PDE1C: variants seen among roughly 807,000 people sequenced by gnomAD.
PDE1C encodes the protein dual specificity calcium/calmodulin-dependent 3',5'-cyclic nucleotide phosphodiesterase 1C.
In PDE1C, 62 loss-of-function variants were observed where a neutral mutation model predicts 93.1. That is an observed-to-expected ratio of 0.67 (90% confidence interval 0.54 to 0.82). PDE1C has a LOEUF of 0.82. Ranked by LOEUF, PDE1C falls within the 40% of genes least tolerant of loss-of-function variation. The pLI is 0.00. For missense variants in PDE1C, 742 were observed against 884.6 expected, an observed-to-expected ratio of 0.84 and a Z score of 2.04; for synonymous variants, 325 against 310.1, an observed-to-expected ratio of 1.05 and a Z score of -0.50.
chr7:32,256,098 A>C (rs1030968289), intron 1 of PDE1C, among the ~76,000 whole-genome samples: 1 of 152,220 alleles, frequency 6.6e-6, no homozygotes, highest in African/African-American at 2.4e-5. Flanking sequence ...GAAGGAAATC[A>C]GAAAGCATTT....
intron 1 of PDE1C, among the ~76,000 whole-genome samples, chr7:32,329,884 C>T (rs1390014266): frequency 6.6e-6 from 1 of 152,220 alleles, no homozygotes; most frequent in Non-Finnish European, 1.5e-5. Context: ...AGATGGATTA[C>T]TAACAGCTTC....
the PDE1C span, among the ~76,000 whole-genome samples, chr7:31,673,432 G>A: frequency 1.3e-5 from 2 of 152,120 alleles, no homozygotes; most frequent in Non-Finnish European, 2.9e-5. Flanking sequence ...GGAAAGATGT[G>A]TGTGTCTCTC....
intron 2 of PDE1C, among the ~76,000 whole-genome samples, chr7:32,195,753 G>A (rs892092987): frequency 6.6e-6 from 1 of 152,146 alleles, no homozygotes; most frequent in African/African-American, 2.4e-5. Flanking sequence ...GGTTTATCCT[G>A]TTTGAACTGA....
intron 3 of PDE1C, among the ~76,000 whole-genome samples, chr7:32,125,609 A>C (rs2128767369): frequency 6.6e-6 from 1 of 152,286 alleles, no homozygotes; most frequent in Non-Finnish European, 1.5e-5. Context: ...TCAGCAAACT[A>C]ACACAGGAAC....
chr7:32,100,709 TAC>T (rs1450044673), intron 3 of PDE1C, among the ~76,000 whole-genome samples: 1 of 152,186 alleles, frequency 6.6e-6, no homozygotes. Flanking sequence ...CGTGTACCTA[TAC>T]ACACACATGT....
At chr7:31,683,258 C>A in the PDE1C span, among the ~76,000 whole-genome samples, 3 of 152,118 alleles carry the variant, frequency 2.0e-5, no homozygotes, top group African/African-American at 7.2e-5. Flanking sequence ...TACAAGGGAT[C>A]TATCTCTCTG....
chr7:31,660,755 A>C, the PDE1C span, among the ~76,000 whole-genome samples: 6 of 152,044 alleles, frequency 3.9e-5, no homozygotes, highest in Non-Finnish European at 7.4e-5. Flanking sequence ...CTTTGACAGG[A>C]CATTATACAA....
At chr7:31,648,090 C>A in the PDE1C span, among the ~76,000 whole-genome samples, 1 of 152,132 alleles carries the variant, frequency 6.6e-6, no homozygotes, top group African/African-American at 2.4e-5. Context: ...TGAGATCTAT[C>A]AGAAATAAGA....
At chr7:31,879,677 T>C (rs929041255) in intron 3 of PDE1C, among the ~76,000 whole-genome samples, 1 of 152,236 alleles carries the variant, frequency 6.6e-6, no homozygotes, top group Non-Finnish European at 1.5e-5. Flanking sequence ...AATTTAAATG[T>C]CTAAATTCAA....
chr7:31,667,612 A>G, the PDE1C span, among the ~76,000 whole-genome samples: 1 of 150,560 alleles, frequency 6.6e-6, no homozygotes, highest in Non-Finnish European at 1.5e-5. Flanking sequence ...GATGGAGGGC[A>G]GTGTATGAAT....
intron 1 of PDE1C, among the ~76,000 whole-genome samples, chr7:32,062,986 T>C (rs1162401077): frequency 6.6e-6 from 1 of 152,224 alleles, no homozygotes; most frequent in African/African-American, 2.4e-5. Flanking sequence ...AGCTTTGTCT[T>C]ACGGTCATTA....
chr7:31,953,704 C>T (rs1807727058), intron 2 of PDE1C, among the ~76,000 whole-genome samples: 1 of 152,102 alleles, frequency 6.6e-6, no homozygotes, highest in Non-Finnish European at 1.5e-5. Context: ...CATAGGATCC[C>T]ATCAAAGAGG....
the PDE1C span, among the ~76,000 whole-genome samples, chr7:31,649,006 T>C: frequency 6.6e-6 from 1 of 152,232 alleles, no homozygotes; most frequent in Non-Finnish European, 1.5e-5. Context: ...TAATCTAGCA[T>C]TCCTGCCAAC....
chr7:32,219,639 C>G (rs1806690423), intron 1 of PDE1C, among the ~76,000 whole-genome samples: 2 of 152,192 alleles, frequency 1.3e-5, no homozygotes, highest in South Asian at 4.1e-4. Context: ...CAGTCCAGCC[C>G]TCCTGGTTGA....
the PDE1C span, among the ~76,000 whole-genome samples, chr7:31,697,718 A>G: frequency 6.6e-6 from 1 of 152,184 alleles, no homozygotes; most frequent in Non-Finnish European, 1.5e-5. Flanking sequence ...TGTATTTTAT[A>G]CAGATTGTTG....
chr7:31,839,827 A>T (rs1373037913), intron 9 of PDE1C, among the ~76,000 whole-genome samples: 2 of 152,222 alleles, frequency 1.3e-5, no homozygotes, highest in African/African-American at 4.8e-5. Flanking sequence ...ACCTGAGGTC[A>T]GGAGTTCGAG....
chr7:32,164,918 C>G (rs574242266), intron 3 of PDE1C, among the ~76,000 whole-genome samples: 1 of 152,248 alleles, frequency 6.6e-6, no homozygotes, highest in South Asian at 2.1e-4. Context: ...ATTCTCTATT[C>G]TCTTTTAAGA....
chr7:32,323,549 C>A (rs898013124), intron 1 of PDE1C, among the ~76,000 whole-genome samples: 2 of 152,136 alleles, frequency 1.3e-5, no homozygotes, highest in Admixed American at 1.3e-4. Context: ...TGCTCAATCT[C>A]CAGAAGGCTG....
At chr7:31,756,017 T>C (rs557389844) in intron 17 of PDE1C, among the ~76,000 whole-genome samples, 1 of 152,126 alleles carries the variant, frequency 6.6e-6, no homozygotes, top group East Asian at 1.9e-4. Context: ...AACACAAAAA[T>C]TAGCTGGGTG....
Sources: allele counts gnomAD v4.1 joint callset (sites outside exome capture counted in the v4.1 genomes callset), GRCh38; gene constraint gnomAD v4.1.1; transcripts MANE v1.5; gene names NCBI Gene and HGNC (gene_info 2026-07-23, HGNC 2026-07-21).